GRIA4: variants seen among roughly 807,000 people sequenced by gnomAD.
The protein encoded by GRIA4 is glutamate receptor 4.
In GRIA4, 34 loss-of-function variants were observed where a neutral mutation model predicts 104.0. The observed-to-expected ratio is 0.33, with a 90% CI of 0.25 to 0.44. GRIA4 has a LOEUF of 0.44. GRIA4 is among the 20% of genes least tolerant of loss of function. GRIA4 has a pLI of 1.00. For synonymous variants in GRIA4, 386 were observed against 381.9 expected, an observed-to-expected ratio of 1.01 and a Z score of -0.13; for missense variants, 750 against 1,096.5, an observed-to-expected ratio of 0.68 and a Z score of 4.46.
intron 4 of GRIA4, among the ~76,000 whole-genome samples, chr11:105,759,228 A>G (rs1005640056): frequency 2.6e-5 from 4 of 152,190 alleles, no homozygotes; most frequent in Non-Finnish European, 5.9e-5. Flanking sequence ...ATAAATATTT[A>G]TCATTTTGAT....
At chr11:105,888,566 G>A (rs1357321661) in intron 6 of GRIA4, among the ~76,000 whole-genome samples, 3 of 152,008 alleles carry the variant, frequency 2.0e-5, no homozygotes, top group East Asian at 1.9e-4. Context: ...GATTACAGGC[G>A]TGAGCCACCA....
At chr11:105,635,690 C>G (rs1230734832) in intron 3 of GRIA4, among the ~76,000 whole-genome samples, 1 of 152,084 alleles carries the variant, frequency 6.6e-6, no homozygotes, top group African/African-American at 2.4e-5. Context: ...TCTGAGCATC[C>G]CAACCAAACA....
chr11:105,871,740 C>G lies in GRIA4; in HGVS notation c.672+9532C>G, dbSNP rs146390571. Among the ~76,000 whole-genome samples the G allele has an allele frequency of 1.4e-3, 209 of 151,932 alleles. 1 individual carries two copies. The highest frequency in any genetic ancestry group is 4.7e-3 in the African/African-American group (195 of 41,482). On this transcript the variant is annotated intron_variant, in intron 5 of 16. Transcript: ENST00000282499. Reference sequence around the variant, plus strand: ...AATGACTTTGAAGTCATATGACTTTCAGAATTAATCACAATTTCATGTCAA... The same window carrying G: ...AATGACTTTGAAGTCATATGACTTTGAGAATTAATCACAATTTCATGTCAA...
chr11:105,887,449 G>T (rs2136099471), intron 5 of GRIA4, 70 bp from the exon 6 acceptor site: 2 of 680,148 alleles, frequency 2.9e-6, no homozygotes, highest in East Asian at 3.0e-5. Context: ...TGCTAAAATA[G>T]ATAATAATTT....
intron 3 of GRIA4, among the ~76,000 whole-genome samples, chr11:105,654,132 T>G (rs1197946093): frequency 2.0e-5 from 3 of 151,332 alleles, no homozygotes; most frequent in African/African-American, 7.3e-5. Context: ...CTGTGAAATC[T>G]GAGAAAGTTG....
chr11:105,688,733 C>T (rs1325506597), intron 3 of GRIA4, among the ~76,000 whole-genome samples: 1 of 152,018 alleles, frequency 6.6e-6, no homozygotes, highest in African/African-American at 2.4e-5. Flanking sequence ...TACAATTTAC[C>T]CATCATTCCT....
intron 3 of GRIA4, among the ~76,000 whole-genome samples, chr11:105,634,513 G>GAAAGAAAGAA (rs766783212): frequency 1.4e-5 from 1 of 69,364 alleles, no homozygotes; most frequent in African/African-American, 4.4e-5. Flanking sequence ...AAGAAAGAAA[G>GAAAGAAAGAA]AAGAAAGAAA....
chr11:105,977,717 T>G (rs1268679707), intron 16 of GRIA4, among the ~76,000 whole-genome samples: 1 of 152,084 alleles, frequency 6.6e-6, no homozygotes, highest in Admixed American at 6.5e-5. Flanking sequence ...TTTCTTGATA[T>G]AAATAGTCCT....
At chr11:105,735,005 T>G (rs1408717100) in intron 3 of GRIA4, among the ~76,000 whole-genome samples, 1 of 152,122 alleles carries the variant, frequency 6.6e-6, no homozygotes, top group African/African-American at 2.4e-5. Flanking sequence ...TCATATAAAG[T>G]TCTAGTTTCG....
At chr11:105,910,667 C>A in intron 10 of GRIA4, 122 bp downstream of exon 10, 2 of 603,358 alleles carry the variant, frequency 3.3e-6, no homozygotes, top group Non-Finnish European at 6.1e-6. Context: ...GTGTTCTGAT[C>A]CACAAAATCC....
intron 4 of GRIA4, among the ~76,000 whole-genome samples, chr11:105,849,602 T>C (rs1271685315): frequency 6.6e-6 from 1 of 152,180 alleles, no homozygotes; most frequent in Non-Finnish European, 1.5e-5. Flanking sequence ...GTTTTCACTG[T>C]CAGGTGATGG....
intron 4 of GRIA4, among the ~76,000 whole-genome samples, chr11:105,777,842 T>A (rs949671339): frequency 2.0e-5 from 3 of 152,172 alleles, no homozygotes; most frequent in Admixed American, 6.5e-5. Context: ...AGAAACCCAC[T>A]ACAGCTAGCA....
chr11:105,803,479 A>G (rs977930268), intron 4 of GRIA4, among the ~76,000 whole-genome samples: 2 of 151,936 alleles, frequency 1.3e-5, no homozygotes, highest in Non-Finnish European at 2.9e-5. Context: ...TGTGCTTCAT[A>G]AGGTGGAACA....
intron 14 of GRIA4, among the ~76,000 whole-genome samples, chr11:105,962,874 G>T (rs552550236): frequency 6.6e-6 from 1 of 152,084 alleles, no homozygotes; most frequent in African/African-American, 2.4e-5. Flanking sequence ...CGCAATAAAG[G>T]GAATAATTAA....
At position 105,963,829 on chromosome 11, in the gene GRIA4, CT is replaced by C. The variant is rs1948797824; in HGVS notation, c.2295-8082del. Among the ~76,000 whole-genome samples the C allele has an allele frequency of 3.9e-5, 6 of 152,156 alleles. No individual in the cohort carries two copies. In the South Asian group the frequency reaches 1.2e-3, roughly 32 times the overall value. On this transcript the variant is annotated intron_variant, in intron 14 of 16. Coordinates refer to ENST00000282499, the MANE Select transcript of GRIA4 (RefSeq NM_000829.4). ...GTTTTCTATTGTGCTGTGAAACTGT[CT>C]TTGGATATGGTTAATAACCCTGTTA...
chr11:105,887,460 TA>T, intron 5 of GRIA4, 58 bp from the exon 6 acceptor site: 1 of 716,598 alleles, frequency 1.4e-6, no homozygotes, highest in Non-Finnish European at 2.4e-6. Context: ...ATAATAATTT[TA>T]AAATAATATT....
At chr11:105,625,738 G>T (rs7114503) in intron 3 of GRIA4, among the ~76,000 whole-genome samples, 136,992 of 152,064 alleles carry the variant, frequency 0.9, 61,998 homozygotes, top group East Asian at 0.98. Flanking sequence ...CCAAGATTAT[G>T]TGGGTCTTAA....
intron 3 of GRIA4, among the ~76,000 whole-genome samples, chr11:105,662,372 C>G (rs531839409): frequency 6.6e-6 from 1 of 151,582 alleles, no homozygotes; most frequent in East Asian, 1.9e-4. Flanking sequence ...AAAAAATAAC[C>G]AAGATCAGAT....
intron 4 of GRIA4, among the ~76,000 whole-genome samples, chr11:105,844,759 C>T (rs1944522138): frequency 6.6e-6 from 1 of 152,190 alleles, no homozygotes; most frequent in Non-Finnish European, 1.5e-5. Flanking sequence ...GCTACCATTA[C>T]TGCTACTATT....
Sources: gnomAD v4.1 joint callset for allele counts (sites outside exome capture counted in the v4.1 genomes callset) on GRCh38, gnomAD v4.1.1 for gene constraint, MANE v1.5 for transcripts, NCBI Gene and HGNC (gene_info 2026-07-23, HGNC 2026-07-21) for gene names.